The following CCDC7 variants were observed in gnomAD, a reference collection of about 807,000 sequenced individuals.
The protein encoded by CCDC7 is coiled-coil domain-containing protein 7.
Under a neutral mutation model 196.9 loss-of-function variants are expected in CCDC7, and 183 were observed. The ratio of observed to expected loss-of-function variants is 0.93; its 90% CI spans 0.82 to 1.05. The LOEUF is 1.05. CCDC7 is among the 50% of genes least tolerant of loss of function. CCDC7 has a pLI of 0.00. For missense variants in CCDC7, 1,540 were observed against 1,482.2 expected, an observed-to-expected ratio of 1.04 and a Z score of -0.64; for synonymous variants, 525 against 484.6, an observed-to-expected ratio of 1.08 and a Z score of -1.10.
intron 28 of CCDC7, among the ~76,000 whole-genome samples, chr10:32,731,116 G>C (rs540986967): frequency 1.3e-5 from 2 of 152,096 alleles, no homozygotes; most frequent in East Asian, 3.9e-4. Context: ...TACTGTCTAT[G>C]TTATTAGATG....
intron 28 of CCDC7, among the ~76,000 whole-genome samples, chr10:32,761,872 TTG>T (rs1288299553): frequency 2.6e-5 from 4 of 151,982 alleles, no homozygotes; most frequent in Non-Finnish European, 5.9e-5. Context: ...GAAGCAGAAT[TTG>T]TAGAGACTGA....
At chr10:32,729,378 G>A in exon 28 of CCDC7, 1 of 1,546,410 alleles carries the variant, frequency 6.5e-7, no homozygotes, top group South Asian at 1.2e-5. Context: ...TTGAACATCT[G>A]TTGCCTGAGG....
chr10:32,706,322 A>G (rs1014904863), intron 24 of CCDC7, among the ~76,000 whole-genome samples: 1 of 152,102 alleles, frequency 6.6e-6, no homozygotes, highest in South Asian at 2.1e-4. Context: ...TTAAAGCAGT[A>G]TGTAGAGGGA....
chr10:32,861,225 T>C (rs1323031397), intron 41 of CCDC7, among the ~76,000 whole-genome samples: 2 of 149,578 alleles, frequency 1.3e-5, no homozygotes, highest in Non-Finnish European at 3.0e-5. Flanking sequence ...AAAACAGATA[T>C]ATAGACCAAT....
At chr10:32,663,902 T>G (rs1384020012) in intron 20 of CCDC7, among the ~76,000 whole-genome samples, 152 bp from the exon 22 acceptor site, 2 of 152,012 alleles carry the variant, frequency 1.3e-5, no homozygotes, top group African/African-American at 4.8e-5. Context: ...CTTGTCACTA[T>G]TTTCATGTCA....
At chr10:32,571,934 C>A in intron 16 of CCDC7, 41 bp downstream of exon 17, 2 of 1,547,700 alleles carry the variant, frequency 1.3e-6, no homozygotes, top group Non-Finnish European at 1.7e-6. Flanking sequence ...ATTTTCTAAT[C>A]TTTATCAGTT....
intron 21 of CCDC7, among the ~76,000 whole-genome samples, chr10:32,665,235 G>C (rs989296163): frequency 2.6e-5 from 4 of 151,834 alleles, no homozygotes; most frequent in African/African-American, 9.7e-5. Context: ...TTTATGATTT[G>C]GAAATACTTT....
chr10:32,505,691 G>C (rs980183559), intron 9 of CCDC7, among the ~76,000 whole-genome samples: 2 of 152,098 alleles, frequency 1.3e-5, no homozygotes, highest in Admixed American at 6.5e-5. Flanking sequence ...GATGGTCGCT[G>C]TCTCTTCGGA....
At chr10:32,557,013 A>T (rs1476890864) in intron 13 of CCDC7, among the ~76,000 whole-genome samples, 1 of 152,270 alleles carries the variant, frequency 6.6e-6, no homozygotes, top group East Asian at 1.9e-4. Context: ...AGTTGTTGTA[A>T]GGTTTACTTT....
At chr10:32,502,040 A>AC (rs1322021455) in intron 9 of CCDC7, among the ~76,000 whole-genome samples, 1 of 152,104 alleles carries the variant, frequency 6.6e-6, no homozygotes, top group Admixed American at 6.5e-5. Context: ...AGGTAAAACC[A>AC]CCTACTCAAG....
In CCDC7 at chr10:32,790,611, G is replaced by C. The variant is rs543291300; in HGVS notation, c.3013+11527G>C. On this transcript the variant is annotated intron_variant, in intron 29 of 41. Transcript: ENST00000639629. Reference sequence around the variant, plus strand: ...AATGCCCAAGTTGCCACTGTGGTCTGTTGGCTCTAGAACTCAAATTGCAGC... The same window carrying C: ...AATGCCCAAGTTGCCACTGTGGTCTCTTGGCTCTAGAACTCAAATTGCAGC... Among the ~76,000 whole-genome samples the C allele has an allele frequency of 2.0e-5, 3 of 152,314 alleles. No individual in the cohort carries two copies. In the South Asian group the frequency reaches 6.2e-4, roughly 32 times the overall value.
At chr10:32,649,657 G>T (rs927521629) in intron 20 of CCDC7, among the ~76,000 whole-genome samples, 1 of 152,160 alleles carries the variant, frequency 6.6e-6, no homozygotes, top group Non-Finnish European at 1.5e-5. Flanking sequence ...CCAATGAATT[G>T]TTAATTTTGC....
chr10:32,624,321 T>C (rs553719839), intron 18 of CCDC7, among the ~76,000 whole-genome samples: 2 of 152,146 alleles, frequency 1.3e-5, no homozygotes, highest in Non-Finnish European at 2.9e-5. Flanking sequence ...AATCACATTC[T>C]CATTCTCTCC....
In CCDC7 at chr10:32,828,498, G is replaced by GAAGAAGA. The variant is rs1555179568; in HGVS notation, c.3268+3896_3268+3902dup. ...GGAAGAGGAAGAGGAAGAAGAAGAAGAAGAAGAAGAAGAAGAAGAAGAAGA... is the reference window on the plus strand; with the variant it reads ...GGAAGAGGAAGAGGAAGAAGAAGAAGAAGAAGAAAGAAGAAGAAGAAGAAGAAGAAGA... On this transcript the variant is annotated intron_variant, in intron 32 of 41. Coordinates refer to ENST00000639629, the Ensembl canonical transcript of CCDC7. 9.8e-4 allele frequency among the ~76,000 whole-genome samples: 110 copies of GAAGAAGA among 112,816 alleles called. 1 individual carries two copies. Among genetic ancestry groups the GAAGAAGA allele is most frequent in the African/African-American group, 3.8e-3 (105 of 27,958 alleles). The allele number at this position is 112,816 out of a possible 152,430, so 74.0% of individuals were successfully genotyped here. A position where few individuals can be genotyped will look rare whatever the true frequency, so the allele number is the denominator to read the frequency against.
At chr10:32,738,038 G>A (rs1259034969) in intron 28 of CCDC7, among the ~76,000 whole-genome samples, 1 of 151,990 alleles carries the variant, frequency 6.6e-6, no homozygotes, top group African/African-American at 2.4e-5. Flanking sequence ...TGACATATTT[G>A]CTTCAATATC....
chr10:32,720,470 G>A (rs575512411), intron 25 of CCDC7, among the ~76,000 whole-genome samples: 14 of 152,214 alleles, frequency 9.2e-5, no homozygotes, highest in East Asian at 1.9e-4. Context: ...AATACCTAAC[G>A]TAGATGATGG....
chr10:32,706,507 T>G (rs748683052), intron 24 of CCDC7, among the ~76,000 whole-genome samples: 1 of 152,044 alleles, frequency 6.6e-6, no homozygotes, highest in Non-Finnish European at 1.5e-5. Context: ...CAAAAAACCC[T>G]TCAAACAATC....
intron 9 of CCDC7, among the ~76,000 whole-genome samples, chr10:32,496,455 T>C (rs537485761): frequency 6.6e-6 from 1 of 152,326 alleles, no homozygotes; most frequent in African/African-American, 2.4e-5. Flanking sequence ...CATCCTTGTC[T>C]TGTGCCAGTT....
intron 20 of CCDC7, among the ~76,000 whole-genome samples, chr10:32,648,128 A>T (rs1361242628): frequency 6.6e-6 from 1 of 152,162 alleles, no homozygotes; most frequent in African/African-American, 2.4e-5. Context: ...GTCAAATATC[A>T]GATGGCTGTA....
Sources: allele counts gnomAD v4.1 joint callset (sites outside exome capture counted in the v4.1 genomes callset), GRCh38; gene constraint gnomAD v4.1.1; transcripts MANE v1.5; gene names NCBI Gene and HGNC (gene_info 2026-07-23, HGNC 2026-07-21).